PXK: variants seen among roughly 807,000 people sequenced by gnomAD.
PXK encodes the protein PX domain-containing protein kinase-like protein.
Under a neutral mutation model 84.7 loss-of-function variants are expected in PXK, and 35 were observed. The observed-to-expected ratio is 0.41, with a 90% CI of 0.32 to 0.55. The LOEUF (loss-of-function observed/expected upper bound fraction) is 0.55. Ranked by LOEUF, PXK falls within the 20% of genes least tolerant of loss-of-function variation. PXK has a pLI of 0.21. For missense variants in PXK, 634 were observed against 699.7 expected, an observed-to-expected ratio of 0.91 and a Z score of 1.06; for synonymous variants, 253 against 260.8, an observed-to-expected ratio of 0.97 and a Z score of 0.29.
Position 58,407,145 on chromosome 3 carries a change from A to G in PXK, c.1231-1779A>G, listed in dbSNP as rs1415334377. On this transcript the variant is annotated intron_variant, in intron 13 of 17. Transcript: ENST00000356151. This position sits in a 1 kb window ranked among gnomAD's most constrained non-coding sequence, Gnocchi z 4.3. ...TTGAGTCACCTCCATACTGTTTTCC[A>G]TAGCAGCTGTACTACTCTACATTTC... 6.6e-6 allele frequency among the ~76,000 whole-genome samples: 1 copy of G among 152,198 alleles called. No homozygotes were observed. Among genetic ancestry groups the G allele is most frequent in the Non-Finnish European group, 1.5e-5 (1 of 68,046 alleles).
intron 1 of PXK, among the ~76,000 whole-genome samples, chr3:58,337,050 T>G: frequency 6.6e-6 from 1 of 152,162 alleles, no homozygotes; most frequent in South Asian, 2.1e-4. Context: ...CCTCAGGTGA[T>G]CCACCTGCCT....
intron 1 of PXK, among the ~76,000 whole-genome samples, chr3:58,342,157 G>A (rs1393490592): frequency 4.0e-5 from 6 of 151,886 alleles, no homozygotes; most frequent in African/African-American, 7.3e-5. Flanking sequence ...TATTGTTATC[G>A]GAATTGTTTC....
At chr3:58,351,211 T>G (rs2097915207) in intron 1 of PXK, among the ~76,000 whole-genome samples, 1 of 152,128 alleles carries the variant, frequency 6.6e-6, no homozygotes, top group African/African-American at 2.4e-5. Flanking sequence ...TTATTTAATT[T>G]ATTTTATTTT....
chr3:58,415,873 T>C (rs767620051), intron 17 of PXK, among the ~76,000 whole-genome samples: 1 of 152,056 alleles, frequency 6.6e-6, no homozygotes, highest in African/African-American at 2.4e-5. Flanking sequence ...TACACCGAGG[T>C]TGCACATTGG....
At chr3:58,336,057 ATATATATATATATATTTTTTTTTTT>A (rs1335893949) in intron 1 of PXK, among the ~76,000 whole-genome samples, 14 of 54,726 alleles carry the variant, frequency 2.6e-4, no homozygotes, top group African/African-American at 1.4e-3. Flanking sequence ...ATATATATAT[ATATATATATATATATTTTTTTTTTT>A]TTTTTTTAAT....
chr3:58,356,848 T>C (rs974753102), intron 1 of PXK, among the ~76,000 whole-genome samples: 1 of 150,976 alleles, frequency 6.6e-6, no homozygotes, highest in African/African-American at 2.4e-5. Flanking sequence ...GTGATCCACC[T>C]TCCTCAGCCT....
intron 13 of PXK, among the ~76,000 whole-genome samples, chr3:58,404,485 G>GTCTCCAGACATTGCTAAA (rs1560092988): frequency 6.6e-6 from 1 of 151,974 alleles, no homozygotes; most frequent in African/African-American, 2.4e-5. Context: ...ACAACCAAAA[G>GTCTCCAGACATTGCTAAA]TGTCTCCAGA....
Position 58,409,883 on chromosome 3 carries a change from TA to T in PXK, c.1396-206del, listed in dbSNP as rs751869874. On this transcript the variant is annotated intron_variant, in intron 15 of 17. Transcript: ENST00000356151. This position sits in a 1 kb window ranked among gnomAD's most constrained non-coding sequence, Gnocchi z 4.2. ...ATTGGAGGAAACGATTGGCCTGAGA[TA>T]GTAAAGTCAGCATTTTTTGTTTTAT... Among the ~76,000 whole-genome samples, 1 of 152,206 alleles carries T rather than the reference TA, an allele frequency of 6.6e-6. No homozygotes were observed. The highest frequency in any genetic ancestry group is 1.5e-5 in the Non-Finnish European group (1 of 68,036).
At chr3:58,339,447 C>G (rs2097689180) in intron 1 of PXK, among the ~76,000 whole-genome samples, 1 of 151,892 alleles carries the variant, frequency 6.6e-6, no homozygotes, top group South Asian at 2.1e-4. Flanking sequence ...CCAGGCTGGT[C>G]TTGAACTCCT....
intron 3 of PXK, among the ~76,000 whole-genome samples, chr3:58,381,457 T>C (rs1264527601): frequency 6.6e-6 from 1 of 150,724 alleles, no homozygotes; most frequent in Admixed American, 6.7e-5. Flanking sequence ...GTTGTTGGAC[T>C]CTGGAAGGTA....
At chr3:58,391,298 A>T in intron 6 of PXK, 78 bp downstream of exon 6, 1 of 1,265,490 alleles carries the variant, frequency 7.9e-7, no homozygotes, top group Admixed American at 1.8e-5. Context: ...AGAGAATTAC[A>T]AAATTGTACT....
intron 13 of PXK, among the ~76,000 whole-genome samples, chr3:58,405,670 C>T (rs1297521726): frequency 7.1e-6 from 1 of 141,496 alleles, no homozygotes; most frequent in African/African-American, 2.5e-5. Flanking sequence ...CAGAGTGAGA[C>T]TCTGTCTCAA....
chr3:58,371,915 A>G (rs576078883), intron 3 of PXK, among the ~76,000 whole-genome samples: 2 of 152,332 alleles, frequency 1.3e-5, no homozygotes, highest in South Asian at 4.1e-4. Flanking sequence ...TTAAAACAAT[A>G]TCCATAAAAC....
chr3:58,423,445 GATTC>G (rs1394780170), intron 17 of PXK: 4 of 1,527,012 alleles, frequency 2.6e-6, no homozygotes, highest in African/African-American at 2.7e-5. Flanking sequence ...GTATTTGTGT[GATTC>G]TTTAATTTCA....
At chr3:58,366,829 GAAGT>G (rs1180409238) in intron 2 of PXK, among the ~76,000 whole-genome samples, 1 of 152,232 alleles carries the variant, frequency 6.6e-6, no homozygotes, top group African/African-American at 2.4e-5. Flanking sequence ...TTACATTTGT[GAAGT>G]AAGTAACTGT....
At chr3:58,368,641 T>C (rs1426385246) in intron 2 of PXK, among the ~76,000 whole-genome samples, 1 of 152,106 alleles carries the variant, frequency 6.6e-6, no homozygotes, top group Non-Finnish European at 1.5e-5. Context: ...GGCCTTCTAA[T>C]CTCCTTTAGT....
In PXK at chr3:58,391,160, G is replaced by C; in HGVS notation, c.480G>C (p.Arg160Ser). ...EPLKDIGWRI[R>S]KKYFLMKIKN... is the part of the protein sequence containing the mutation. ...CTTTTATGGCAGGTTGGAGAATAAG[G>C]AAGAAATATTTCTTGATGAAGATTA... is the stretch of plus-strand genomic sequence containing the variant. The change falls in exon 6 of 18, where the codon AGG becomes AGC. Residue 160 changes from arginine (R) to serine (S), a missense_variant. Arg to Ser is a moderately radical substitution (Grantham distance 110). Transcript: ENST00000356151. 6.2e-7 allele frequency: 1 copy of C among 1,613,272 alleles called. No individual in the cohort carries two copies. Among genetic ancestry groups the C allele is most frequent in the Admixed American group, 1.7e-5 (1 of 59,988 alleles).
chr3:58,408,436 T>C lies in PXK; in HGVS notation c.1231-488T>C, dbSNP rs9880146. Among the ~76,000 whole-genome samples, 1,121 of 152,314 alleles carry C rather than the reference T, an allele frequency of 7.4e-3. 14 individuals carry two copies. Among genetic ancestry groups the C allele is most frequent in the African/African-American group, 0.026 (1,064 of 41,556 alleles). ...GTTTTATGTGTTCATTGCTAAAAAATGCTAGAGAAGTGAGTGTGTTAGGGA... is the reference window on the plus strand; with the variant it reads ...GTTTTATGTGTTCATTGCTAAAAAACGCTAGAGAAGTGAGTGTGTTAGGGA... On this transcript the variant is annotated intron_variant, in intron 13 of 17. Transcript: ENST00000356151.
At position 58,356,612 on chromosome 3, in the gene PXK, C is replaced by CT. The variant is rs68019308; in HGVS notation, c.103-9253dup. 4.0e-4 allele frequency among the ~76,000 whole-genome samples: 59 copies of CT among 148,198 alleles called. 1 individual carries two copies. In the South Asian group the frequency reaches 5.1e-3, roughly 13 times the overall value. On this transcript the variant is annotated intron_variant, in intron 1 of 17. Transcript: ENST00000356151. ...CAGTAGGCAGCTGTGTTTTTTTTTT[C>CT]TTTTTTTTTGAGACGGAGTCTTGCT...
Sources: allele counts gnomAD v4.1 joint callset (sites outside exome capture counted in the v4.1 genomes callset), GRCh38; gene constraint gnomAD v4.1.1; non-coding constraint Gnocchi (gnomAD v3.1); transcripts MANE v1.5; gene names NCBI Gene and HGNC (gene_info 2026-07-23, HGNC 2026-07-21).